The following KERA variants were observed in gnomAD, a reference collection of about 807,000 sequenced individuals.
KERA encodes keratan sulfate proteoglycan keratocan.
In KERA, 25 loss-of-function variants were observed where a neutral mutation model predicts 26.4. The observed-to-expected ratio is 0.95, with a 90% confidence interval of 0.69 to 1.32. KERA has a LOEUF of 1.32. Ranked by LOEUF, KERA falls within the 40% of genes most tolerant of loss-of-function variation. The probability of loss-of-function intolerance (pLI) is 0.00; values close to 1 mark genes in which losing one functional copy is unlikely to be tolerated. For missense variants in KERA, 434 were observed against 408.9 expected, an observed-to-expected ratio of 1.06 and a Z score of -0.53; for synonymous variants, 167 against 146.1, an observed-to-expected ratio of 1.14 and a Z score of -1.03.
In KERA at chr12:91,055,694, C is replaced by G. The variant is rs773620958; in HGVS notation, c.588G>C (p.Gln196His). 1 of 1,611,372 alleles carries G rather than the reference C, an allele frequency of 6.2e-7. No homozygotes were observed. Among genetic ancestry groups the G allele is most frequent in the East Asian group, 2.2e-5 (1 of 44,778 alleles). The change falls in exon 2 of 3, where the codon CAG becomes CAC. Residue 196 changes from glutamine (Q) to histidine (H), a missense_variant. Transcript: ENST00000266719. Reference sequence around the variant, plus strand: ...TCAGGGCATTCTTGGCCATGTTTAGCTGCATGAGATTCTTGAGTCCTTTAA... The same window carrying G: ...TCAGGGCATTCTTGGCCATGTTTAGGTGCATGAGATTCTTGAGTCCTTTAA... ...DTFKGLKNLM[Q>H]LNMAKNALRN...
chr12:91,053,879 C>T (rs1592647224), intron 2 of KERA, among the ~76,000 whole-genome samples: 1 of 151,328 alleles, frequency 6.6e-6, no homozygotes, highest in Non-Finnish European at 1.5e-5. Flanking sequence ...TATGTGGAGT[C>T]ACTTGAAGTT....
In KERA at chr12:91,051,261, C is replaced by T; in HGVS notation, c.*85G>A. The T allele has an allele frequency of 8.8e-7, 1 of 1,136,640 alleles. No homozygotes were observed. The highest frequency in any genetic ancestry group is 1.3e-5 in the South Asian group (1 of 78,810). The allele number at this position is 1,136,640 out of a possible 1,614,324, so 70.4% of individuals were successfully genotyped here. A position where few individuals can be genotyped will look rare whatever the true frequency, so the allele number is the denominator to read the frequency against. On this transcript the variant is annotated 3_prime_UTR_variant, in exon 3 of 3. Transcript: ENST00000266719. Reference sequence around the variant, plus strand: ...TGGCCGAGAGCAATGGGGAATATGACTTGTGTCCTAAACCTATTAATGGTA... The same window carrying T: ...TGGCCGAGAGCAATGGGGAATATGATTTGTGTCCTAAACCTATTAATGGTA...
chr12:91,052,928 AGT>A (rs1285257949), intron 2 of KERA, among the ~76,000 whole-genome samples: 1 of 151,526 alleles, frequency 6.6e-6, no homozygotes, highest in Non-Finnish European at 1.5e-5. Flanking sequence ...CATAAATTAC[AGT>A]GTTTCTCAGG....
At chr12:91,052,444 T>C (rs1044979078) in intron 2 of KERA, among the ~76,000 whole-genome samples, 1 of 151,622 alleles carries the variant, frequency 6.6e-6, no homozygotes, top group African/African-American at 2.4e-5. Context: ...CCCTCCTCTG[T>C]GGCCTATTGT....
Position 91,050,792 on chromosome 12 carries a change from A to G in KERA, c.*554T>C, listed in dbSNP as rs576678154. 6.5e-6 allele frequency: 1 copy of G among 153,694 alleles called. No homozygotes were observed. The highest frequency in any genetic ancestry group is 2.4e-5 in the African/African-American group (1 of 41,522). 9.5% of individuals were successfully genotyped at this position (153,694 alleles called of 1,614,324 possible). A position where few individuals can be genotyped will look rare whatever the true frequency, so the allele number is the denominator to read the frequency against. On this transcript the variant is annotated 3_prime_UTR_variant, in exon 3 of 3. Coordinates refer to ENST00000266719, the MANE Select transcript of KERA (RefSeq NM_007035.4). The stretch of plus-strand genomic sequence containing the variant: ...GTTTCATTATTTGATATTAAATAAC[A>G]AGAATTCTTTAGTGATGAAGTATTT...
intron 2 of KERA, among the ~76,000 whole-genome samples, chr12:91,052,610 T>C (rs1565744439): frequency 6.6e-6 from 1 of 151,584 alleles, no homozygotes; most frequent in Non-Finnish European, 1.5e-5. Context: ...TTTTTTTACA[T>C]ACATCCAAGT....
At chr12:91,054,713 T>G (rs1244825157) in intron 2 of KERA, among the ~76,000 whole-genome samples, 1 of 151,114 alleles carries the variant, frequency 6.6e-6, no homozygotes, top group Non-Finnish European at 1.5e-5. Context: ...TCCCAAGGAG[T>G]TGCCAGCTAC....
At chr12:91,056,433 A>G in intron 1 of KERA, 144 bp from the exon 2 acceptor site, 3 of 710,422 alleles carry the variant, frequency 4.2e-6, no homozygotes, top group Admixed American at 2.1e-5. Context: ...CTTAATTAAT[A>G]TACATTAGTT....
intron 1 of KERA, among the ~76,000 whole-genome samples, 170 bp downstream of exon 1, chr12:91,057,574 A>G (rs889728285): frequency 1.1e-4 from 17 of 150,924 alleles, no homozygotes. Flanking sequence ...CAAATTTTCT[A>G]GGATTGCAGA....
At position 91,051,246 on chromosome 12, in the gene KERA, C is replaced by T. The variant is rs1269046780; in HGVS notation, c.*100G>A. ...CACAAATGAAAATGGTGGCCGAGAG[C>T]AATGGGGAATATGACTTGTGTCCTA... On this transcript the variant is annotated 3_prime_UTR_variant, in exon 3 of 3. Coordinates refer to ENST00000266719, the MANE Select transcript of KERA (RefSeq NM_007035.4). 15 of 979,074 alleles carry T rather than the reference C, an allele frequency of 1.5e-5. No individual in the cohort carries two copies. In the East Asian group the frequency reaches 3.5e-4, roughly 23 times the overall value. 60.6% of individuals were successfully genotyped at this position (979,074 alleles called of 1,614,324 possible).
At chr12:91,051,806 C>A (rs576865323) in intron 2 of KERA, among the ~76,000 whole-genome samples, 1 of 151,374 alleles carries the variant, frequency 6.6e-6, no homozygotes, top group South Asian at 2.1e-4. Flanking sequence ...GTGTATAAGA[C>A]GTCACTTGTT....
rs1256136822 is a variant in KERA at position 91,056,229 on chromosome 12, A to G, written c.53T>C (p.Val18Ala). 1.9e-6 allele frequency: 3 copies of G among 1,609,032 alleles called. No homozygotes were observed. The highest frequency in any genetic ancestry group is 2.5e-6 in the Non-Finnish European group (3 of 1,176,734). The change falls in exon 2 of 3, where the codon GTG becomes GCG. Residue 18 changes from valine to alanine, a missense_variant. Physicochemically the swap from Val to Ala is moderately conservative, Grantham distance 64. Transcript: ENST00000266719. ...IMWVLFITDT[V>A]WSRSVRQVYE... is the part of the protein sequence containing the mutation. The stretch of plus-strand genomic sequence containing the variant: ...GACCTGCCTCACACTTCTAGACCAC[A>G]CAGTGTCTGTTATGAATAACACCCA...
intron 2 of KERA, 88 bp from the exon 3 acceptor site, chr12:91,051,606 T>C (rs1878870163): frequency 2.1e-6 from 2 of 931,670 alleles, no homozygotes; most frequent in East Asian, 4.9e-5. Flanking sequence ...CATGGTCCTA[T>C]GGAGGGCTTA....
intron 1 of KERA, among the ~76,000 whole-genome samples, chr12:91,056,863 G>A (rs1210305453): frequency 4.0e-5 from 6 of 151,098 alleles, no homozygotes. Flanking sequence ...TTATTCTCTA[G>A]CTCAACCTCT....
Position 91,055,638 on chromosome 12 carries a change from G to T in KERA, c.644C>A (p.Thr215Lys), listed in dbSNP as rs121917862. 5 of 1,611,214 alleles carry T rather than the reference G, an allele frequency of 3.1e-6. No homozygotes were observed. In the South Asian group the frequency reaches 4.4e-5, roughly 14 times the overall value. The change falls in exon 2 of 3, where the codon ACA (threonine) becomes AAA (lysine). Residue 215 changes from threonine to lysine, a missense_variant. Coordinates refer to ENST00000266719, the MANE Select transcript of KERA (RefSeq NM_007035.4). The stretch of plus-strand genomic sequence containing the variant: ...ATTGTTGTCTAAAAACAACTGCATT[G>T]TATTGGCTGGTAATCTTGGAGGCAT... ...RNMPPRLPAN[T>K]MQLFLDNNSI...
Position 91,051,205 on chromosome 12 carries a change from T to A in KERA, c.*141A>T, listed in dbSNP as rs902573744. 1.4e-6 allele frequency: 1 copy of A among 711,200 alleles called. No homozygotes were observed. The highest frequency in any genetic ancestry group is 1.6e-5 in the South Asian group (1 of 62,218). 44.1% of individuals were successfully genotyped at this position (711,200 alleles called of 1,614,324 possible). A position where few individuals can be genotyped will look rare whatever the true frequency, so the allele number is the denominator to read the frequency against. Reference sequence around the variant, plus strand: ...TGTAACTGGCAAAAGCATCTTTGAATAGAAAAAATACACTGCACAAATGAA... The same window carrying A: ...TGTAACTGGCAAAAGCATCTTTGAAAAGAAAAAATACACTGCACAAATGAA... On this transcript the variant is annotated 3_prime_UTR_variant, in exon 3 of 3. Transcript: ENST00000266719.
intron 2 of KERA, 88 bp downstream of exon 2, chr12:91,055,308 C>A (rs1878964932): frequency 2.6e-6 from 3 of 1,162,044 alleles, no homozygotes; most frequent in Admixed American, 3.6e-5. Flanking sequence ...GGGGAGGGGG[C>A]AACACATTTG....
In KERA at chr12:91,055,879, C is replaced by G. The variant is rs1878987465; in HGVS notation, c.403G>C (p.Glu135Gln). Reference sequence around the variant, plus strand: ...CTTCTTGGCAATGGAGAAGGTACCTCCTCTAGCTCATTATCTTCCAGAAAT... The same window carrying G: ...CTTCTTGGCAATGGAGAAGGTACCTGCTCTAGCTCATTATCTTCCAGAAAT... ...FLFLEDNELE[E>Q]VPSPLPRSLE... Residue 135 changes from glutamate to glutamine, a missense_variant, in exon 2 of 3, where the codon GAG (glutamate) becomes CAG (glutamine). Transcript: ENST00000266719. 6.2e-7 allele frequency: 1 copy of G among 1,611,170 alleles called. No individual in the cohort carries two copies. Among genetic ancestry groups the G allele is most frequent in the South Asian group, 1.1e-5 (1 of 91,024 alleles).
chr12:91,055,152 A>G lies in KERA; in HGVS notation c.886+244T>C, dbSNP rs890939879. ...GAGGCATTCAGTTTCTCTAATGGAT[A>G]ATAGTCCTCTGTAGATGACTCAAGT... On this transcript the variant is annotated intron_variant, in intron 2 of 2. Coordinates refer to ENST00000266719, the MANE Select transcript of KERA (RefSeq NM_007035.4). Among the ~76,000 whole-genome samples the G allele has an allele frequency of 2.0e-5, 3 of 151,190 alleles. No individual in the cohort carries two copies. In the Admixed American group the frequency reaches 2.0e-4, roughly 10 times the overall value.
Sources: gnomAD v4.1 joint callset for allele counts (sites outside exome capture counted in the v4.1 genomes callset) on GRCh38, gnomAD v4.1.1 for gene constraint, MANE v1.5 for transcripts, NCBI Gene and HGNC (gene_info 2026-07-23, HGNC 2026-07-21) for gene names.